ATP13A4: variants seen among roughly 807,000 people sequenced by gnomAD.
ATP13A4 encodes probable cation-transporting ATPase 13A4.
In ATP13A4, 114 loss-of-function variants were observed where a neutral mutation model predicts 142.5. That is an observed-to-expected ratio of 0.80 (90% confidence interval 0.69 to 0.93). ATP13A4 has a LOEUF of 0.93. Among genes scored for constraint, ATP13A4 ranks in the 40% least tolerant of loss-of-function variants. ATP13A4 has a pLI of 0.00. For synonymous variants in ATP13A4, 488 were observed against 514.8 expected (o/e 0.95, Z 0.70); for missense variants, 1,392 against 1,454.0 (o/e 0.96, Z 0.69).
intron 1 of ATP13A4, among the ~76,000 whole-genome samples, chr3:193,537,905 A>G (rs367945976): frequency 2.1e-4 from 32 of 152,320 alleles, no homozygotes; most frequent in African/African-American, 7.7e-4. Context: ...CAACAAAATT[A>G]TAGAAATAGA....
intron 1 of ATP13A4, among the ~76,000 whole-genome samples, chr3:193,588,691 A>G (rs1180382672): frequency 1.3e-5 from 2 of 152,024 alleles, no homozygotes; most frequent in Non-Finnish European, 2.9e-5. Context: ...TTATGACACT[A>G]TAGTCTGCCT....
chr3:193,412,263 G>A lies in ATP13A4; in HGVS notation c.3123C>T (p.Val1041=). 1 of 1,613,326 alleles carries A rather than the reference G, an allele frequency of 6.2e-7. No homozygotes were observed. Among genetic ancestry groups the A allele is most frequent in the South Asian group, 1.1e-5 (1 of 91,056 alleles). ...TACAGTTGATTGTTCCCAAGAACCA[G>A]ACTGTAGTGTTCTCAAAACTTGTGA... The part of the protein sequence containing the change: ...STFTSFENTT[V]WFLGTINCIT... Residue 1041 remains valine (V), a synonymous_variant, in exon 27 of 30, where the codon GTC becomes GTT. Transcript: ENST00000342695.
chr3:193,479,932 G>A (rs1406159082), intron 8 of ATP13A4, among the ~76,000 whole-genome samples: 1 of 152,128 alleles, frequency 6.6e-6, no homozygotes, highest in African/African-American at 2.4e-5. Context: ...ATAGACCAAT[G>A]GAACACAATA....
chr3:193,567,563 G>A (rs1724162130), intron 2 of ATP13A4, among the ~76,000 whole-genome samples: 1 of 152,026 alleles, frequency 6.6e-6, no homozygotes, highest in African/African-American at 2.4e-5. Context: ...AGAAATGTAA[G>A]AGAGTTTAAA....
At chr3:193,540,982 G>C (rs373758543) in intron 1 of ATP13A4, among the ~76,000 whole-genome samples, 44 of 152,244 alleles carry the variant, frequency 2.9e-4, no homozygotes, top group African/African-American at 1.0e-3. Flanking sequence ...GGGCGCGGTG[G>C]CTCACGCCTG....
chr3:193,554,637 G>A (rs1723788144), intron 1 of ATP13A4, 103 bp downstream of exon 1: 3 of 1,404,550 alleles, frequency 2.1e-6, no homozygotes, highest in Non-Finnish European at 2.0e-6. Flanking sequence ...AAAAGTCTGT[G>A]TGTGTGTGAT....
At chr3:193,563,903 A>G (rs999297666) in intron 2 of ATP13A4, among the ~76,000 whole-genome samples, 1 of 152,238 alleles carries the variant, frequency 6.6e-6, no homozygotes, top group African/African-American at 2.4e-5. Flanking sequence ...GCTGTTCAAA[A>G]GAGAGAAAAT....
At chr3:193,561,660 C>T (rs139134019) in intron 2 of ATP13A4, among the ~76,000 whole-genome samples, 79 of 152,278 alleles carry the variant, frequency 5.2e-4, no homozygotes, top group African/African-American at 1.8e-3. Context: ...AGTACTCAGA[C>T]CCTCTCCCAG....
At chr3:193,557,743 G>A (rs760325672), upstream of ATP13A4, among the ~76,000 whole-genome samples, 8 of 152,344 alleles carry the variant, frequency 5.3e-5, no homozygotes, top group South Asian at 2.1e-4. Context: ...GCTCTGCAAA[G>A]AGGTTTGCAT....
intron 13 of ATP13A4, among the ~76,000 whole-genome samples, chr3:193,460,197 G>A (rs956466671): frequency 1.3e-5 from 2 of 152,156 alleles, no homozygotes; most frequent in African/African-American, 4.8e-5. Context: ...GTGTCGCACA[G>A]GAACCTCCGG....
At chr3:193,476,277 T>C (rs1718960377) in intron 8 of ATP13A4, among the ~76,000 whole-genome samples, 1 of 152,234 alleles carries the variant, frequency 6.6e-6, no homozygotes, top group East Asian at 1.9e-4. Flanking sequence ...TCCATTTTTA[T>C]GTATGGAGAT....
intron 9 of ATP13A4, among the ~76,000 whole-genome samples, chr3:193,469,329 A>G (rs894952754): frequency 2.6e-5 from 4 of 152,198 alleles, no homozygotes; most frequent in Non-Finnish European, 4.4e-5. Flanking sequence ...ATAAGTTGAG[A>G]AATTTAAAGA....
At chr3:193,531,302 GGAA>G (rs1560262192) in intron 1 of ATP13A4, among the ~76,000 whole-genome samples, 20 of 105,180 alleles carry the variant, frequency 1.9e-4, no homozygotes, top group South Asian at 3.4e-4. Flanking sequence ...GAGGGAGGAA[GGAA>G]GGAAGGAAGG....
chr3:193,451,888 T>G (rs1436408332), intron 17 of ATP13A4, among the ~76,000 whole-genome samples: 1 of 152,200 alleles, frequency 6.6e-6, no homozygotes, highest in Non-Finnish European at 1.5e-5. Context: ...TGTGTATGCA[T>G]GGTGCTGATG....
At chr3:193,541,031 C>A (rs542845631) in intron 1 of ATP13A4, among the ~76,000 whole-genome samples, 2 of 151,986 alleles carry the variant, frequency 1.3e-5, no homozygotes, top group African/African-American at 2.4e-5. Flanking sequence ...GGGCAAATCG[C>A]GAGGTCAGGA....
chr3:193,524,033 A>G (rs1308670815), intron 1 of ATP13A4, among the ~76,000 whole-genome samples: 1 of 152,140 alleles, frequency 6.6e-6, no homozygotes, highest in Non-Finnish European at 1.5e-5. Context: ...AGCAGCATGA[A>G]GCCCTCCCCA....
At chr3:193,519,786 A>G (rs1480929992) in intron 1 of ATP13A4, among the ~76,000 whole-genome samples, 2 of 151,652 alleles carry the variant, frequency 1.3e-5, no homozygotes, top group East Asian at 3.9e-4. Flanking sequence ...CTGGGATTAC[A>G]GGCGCCCGTC....
At chr3:193,474,807 G>A (rs1304085346) in intron 8 of ATP13A4, among the ~76,000 whole-genome samples, 2 of 151,938 alleles carry the variant, frequency 1.3e-5, no homozygotes, top group Admixed American at 6.6e-5. Context: ...ATGAAAGGAT[G>A]TGCGGGTCAT....
Position 193,448,446 on chromosome 3 carries a change from C to T in ATP13A4, c.2028-116G>A, listed in dbSNP as rs1344795122. ...GAGGACAGTGGTTCAAGTCATTCTC[C>T]TGCCTCAGCTTCCCAAGTAACTGGG... On this transcript the variant is annotated intron_variant, in intron 17 of 29. Coordinates refer to ENST00000342695, the MANE Select transcript of ATP13A4 (RefSeq NM_032279.4). 6.8e-6 allele frequency: 9 copies of T among 1,317,638 alleles called. No homozygotes were observed. The African/African-American group carries it at 1.3e-4, about 19-fold the overall frequency. The allele number at this position is 1,317,638 out of a possible 1,614,324, so 81.6% of individuals were successfully genotyped here. A position where few individuals can be genotyped will look rare whatever the true frequency, so the allele number is the denominator to read the frequency against.
Sources: allele counts gnomAD v4.1 joint callset (sites outside exome capture counted in the v4.1 genomes callset), GRCh38; gene constraint gnomAD v4.1.1; transcripts MANE v1.5; gene names NCBI Gene and HGNC (gene_info 2026-07-23, HGNC 2026-07-21).